The following AAMDC variants were observed in gnomAD, a reference collection of about 807,000 sequenced individuals.
AAMDC encodes adipogenesis associated Mth938 domain containing.
Under a neutral mutation model 15.5 loss-of-function variants are expected in AAMDC, and 16 were observed. That is an observed-to-expected ratio of 1.03 (90% CI 0.70 to 1.57). The LOEUF is 1.57. Among genes scored for constraint, AAMDC ranks in the 40% most tolerant of loss-of-function variants. AAMDC has a pLI of 0.00. For missense variants in AAMDC, 141 were observed against 144.9 expected (o/e 0.97, Z 0.14); for synonymous variants, 51 against 51.6 (o/e 0.99, Z 0.05).
intron 1 of AAMDC, among the ~76,000 whole-genome samples, chr11:77,824,739 AG>A (rs1375441633): frequency 1.3e-5 from 2 of 152,208 alleles, no homozygotes; most frequent in Admixed American, 1.3e-4. Context: ...AAGGGGCACA[AG>A]GGGACTTTGT....
intron 5 of AAMDC, among the ~76,000 whole-genome samples, chr11:77,898,569 G>A (rs1439223947): frequency 1.3e-5 from 2 of 152,196 alleles, no homozygotes; most frequent in Non-Finnish European, 2.9e-5. Flanking sequence ...TCTTAGAGAG[G>A]TGACCATAAA....
downstream of AAMDC, among the ~76,000 whole-genome samples, chr11:77,902,612 T>C (rs922483844): frequency 1.3e-5 from 2 of 152,218 alleles, no homozygotes; most frequent in Admixed American, 6.5e-5. Context: ...CTTATTCCTA[T>C]CTAATGGGAT....
chr11:77,879,170 C>T (rs558569660), intron 5 of AAMDC: 3 of 1,603,120 alleles, frequency 1.9e-6, no homozygotes, highest in African/African-American at 1.3e-5. Context: ...TAGGCAACTG[C>T]TAGGAATGAG....
chr11:77,830,210 ATGT>A (rs1949359014), intron 1 of AAMDC: 1 of 152,240 alleles, frequency 6.6e-6, no homozygotes, highest in African/African-American at 2.4e-5. Flanking sequence ...CATCTAGAAT[ATGT>A]TAAAAACATG....
intron 5 of AAMDC, among the ~76,000 whole-genome samples, chr11:77,894,110 G>A (rs1408861812): frequency 6.6e-6 from 1 of 151,934 alleles, no homozygotes; most frequent in Non-Finnish European, 1.5e-5. Context: ...TAACATTAAG[G>A]AAAAAAACCA....
intron 5 of AAMDC, among the ~76,000 whole-genome samples, chr11:77,878,327 A>T (rs536108697): frequency 2.3e-4 from 34 of 150,898 alleles, no homozygotes; most frequent in Non-Finnish European, 4.4e-4. Context: ...ACGCCACTGC[A>T]CTCCAGCCTG....
chr11:77,875,512 A>G (rs1951571051), downstream of AAMDC, among the ~76,000 whole-genome samples: 1 of 152,238 alleles, frequency 6.6e-6, no homozygotes, highest in Admixed American at 6.5e-5. Context: ...AAATGAAAAT[A>G]ACTGAGTGGA....
At chr11:77,823,658 G>A (rs1331298064) in intron 1 of AAMDC, among the ~76,000 whole-genome samples, 2 of 143,416 alleles carry the variant, frequency 1.4e-5, no homozygotes, top group East Asian at 4.0e-4. Flanking sequence ...ATTTGACCCA[G>A]AATACAGTTT....
At chr11:77,837,484 T>A (rs1240383001) in intron 1 of AAMDC, among the ~76,000 whole-genome samples, 1 of 145,866 alleles carries the variant, frequency 6.9e-6, no homozygotes, top group African/African-American at 2.6e-5. Flanking sequence ...AGATGGAGTC[T>A]CGCTCTGTCA....
At chr11:77,854,475 T>C (rs1403498763) in intron 2 of AAMDC, among the ~76,000 whole-genome samples, 1 of 152,164 alleles carries the variant, frequency 6.6e-6, no homozygotes, top group East Asian at 1.9e-4. Context: ...TGAGAAATTA[T>C]CCAAAACAAA....
At chr11:77,857,461 T>C (rs982463586) in intron 2 of AAMDC, among the ~76,000 whole-genome samples, 1 of 152,236 alleles carries the variant, frequency 6.6e-6, no homozygotes, top group African/African-American at 2.4e-5. Context: ...TATAGGAATA[T>C]CTACAAATAT....
chr11:77,825,892 A>G (rs1331273395), intron 1 of AAMDC, among the ~76,000 whole-genome samples: 2 of 152,066 alleles, frequency 1.3e-5, no homozygotes, highest in African/African-American at 4.8e-5. Flanking sequence ...GGGTTTCACT[A>G]CGTTGGCCAG....
chr11:77,894,840 A>G (rs558439913), intron 5 of AAMDC, among the ~76,000 whole-genome samples: 14 of 152,334 alleles, frequency 9.2e-5, no homozygotes, highest in African/African-American at 2.9e-4. Flanking sequence ...ACTGCACTCA[A>G]TGAAGCCTAC....
At chr11:77,835,698 C>T (rs762900556) in intron 1 of AAMDC, among the ~76,000 whole-genome samples, 2 of 152,046 alleles carry the variant, frequency 1.3e-5, no homozygotes, top group African/African-American at 4.8e-5. Context: ...GTGGGCGGAT[C>T]GCTTGAGATC....
chr11:77,858,302 C>CTTTT (rs71473358), intron 2 of AAMDC, among the ~76,000 whole-genome samples: 9,054 of 69,050 alleles, frequency 0.13, 815 homozygotes, highest in Non-Finnish European at 0.17. Flanking sequence ...TTAAGCAATT[C>CTTTT]TTTTTTTTTT....
chr11:77,864,716 C>T (rs1951031795), intron 2 of AAMDC, among the ~76,000 whole-genome samples: 1 of 152,182 alleles, frequency 6.6e-6, no homozygotes, highest in African/African-American at 2.4e-5. Flanking sequence ...CAGTGGCTCA[C>T]ACCTGTAATC....
chr11:77,849,195 C>A (rs921229099), intron 2 of AAMDC, among the ~76,000 whole-genome samples: 1 of 151,936 alleles, frequency 6.6e-6, no homozygotes, highest in Admixed American at 6.6e-5. Context: ...TGCCTCCATA[C>A]CTGGCTAATT....
chr11:77,847,922 T>C (rs189955217), intron 2 of AAMDC, among the ~76,000 whole-genome samples: 24 of 152,144 alleles, frequency 1.6e-4, no homozygotes, highest in African/African-American at 5.1e-4. Context: ...GCAGAAGAAA[T>C]TGAGATGAGA....
intron 5 of AAMDC, chr11:77,878,677 T>A: frequency 1.5e-6 from 1 of 672,704 alleles, no homozygotes; most frequent in Non-Finnish European, 2.7e-6. Context: ...AAGCTGAAGC[T>A]ATAGCCACAC....
Sources: allele counts gnomAD v4.1 joint callset (sites outside exome capture counted in the v4.1 genomes callset), GRCh38; gene constraint gnomAD v4.1.1; transcripts MANE v1.5; gene names NCBI Gene and HGNC (gene_info 2026-07-23, HGNC 2026-07-21).